SRGAP1: variants seen among roughly 807,000 people sequenced by gnomAD.
SRGAP1 encodes the protein SLIT-ROBO Rho GTPase activating protein 1.
A neutral mutation model predicts 121.9 loss-of-function variants in SRGAP1; 43 were observed. The ratio of observed to expected loss-of-function variants is 0.35; its 90% CI spans 0.28 to 0.46. The LOEUF (loss-of-function observed/expected upper bound fraction) is 0.46, where lower values mean the gene tolerates loss of function less well. SRGAP1 is among the 20% of genes least tolerant of loss of function. SRGAP1 has a pLI of 1.00. For synonymous variants in SRGAP1, 447 were observed against 485.4 expected (o/e 0.92, Z 1.04); for missense variants, 1,102 against 1,350.9 (o/e 0.82, Z 2.89).
rs563696442 is a variant in SRGAP1 at position 63,959,535 on chromosome 12, T to C, written c.68-24412T>C. Among the ~76,000 whole-genome samples, 40 of 152,330 alleles carry C rather than the reference T, an allele frequency of 2.6e-4. No homozygotes were observed. The South Asian group carries it at 7.9e-3, about 30-fold the overall frequency. On this transcript the variant is annotated intron_variant, in intron 1 of 21. Coordinates refer to ENST00000355086, the MANE Select transcript of SRGAP1 (RefSeq NM_020762.4). ...ATTATCCATAGTTATTTTGTGAGGA[T>C]TTGCTGATAACGTTTCTTTCCAGAT...
chr12:64,063,242 C>G, intron 7 of SRGAP1, 104 bp downstream of exon 7: 1 of 1,077,240 alleles, frequency 9.3e-7, no homozygotes, highest in Admixed American at 2.4e-5. Flanking sequence ...TGTTTTCTCT[C>G]TCCTGTCCTT....
intron 10 of SRGAP1, among the ~76,000 whole-genome samples, chr12:64,086,316 C>T (rs1045887740): frequency 2.0e-5 from 3 of 152,164 alleles, no homozygotes; most frequent in African/African-American, 4.8e-5. Flanking sequence ...TGCAGATTGT[C>T]GGAGCCCTAC....
intron 1 of SRGAP1, among the ~76,000 whole-genome samples, chr12:63,940,282 A>G (rs1565959873): frequency 1.3e-5 from 2 of 151,130 alleles, no homozygotes; most frequent in Non-Finnish European, 1.5e-5. Flanking sequence ...ATTTCTTACT[A>G]CTGAATTTCT....
Position 63,844,775 on chromosome 12 carries a change from A to G in SRGAP1, c.-42A>G. The stretch of plus-strand genomic sequence containing the variant: ...AAGGAGAACGGGTTGTGACCACTGA[A>G]CAAAACTTGCCCATTGAAAGCAAAC... On this transcript the variant is annotated 5_prime_UTR_variant, in exon 1 of 22. Transcript: ENST00000355086. The surrounding 1 kb of genome is among the most constrained non-coding windows in gnomAD (Gnocchi z 4.3). The G allele has an allele frequency of 1.2e-6, 2 of 1,607,378 alleles. No homozygotes were observed. Among genetic ancestry groups the G allele is most frequent in the Non-Finnish European group, 1.7e-6 (2 of 1,173,828 alleles).
intron 6 of SRGAP1, among the ~76,000 whole-genome samples, chr12:64,046,555 T>C (rs1434421865): frequency 1.3e-5 from 2 of 152,058 alleles, no homozygotes; most frequent in African/African-American, 4.8e-5. Flanking sequence ...TTTGCTGCCA[T>C]GTGTGAAAAA....
intron 1 of SRGAP1, among the ~76,000 whole-genome samples, chr12:63,866,057 G>A (rs942091190): frequency 4.6e-5 from 7 of 151,716 alleles, no homozygotes; most frequent in Non-Finnish European, 4.4e-5. Context: ...TCAAAATGAC[G>A]TTTTTTTTAT....
At chr12:63,996,383 A>G (rs1304225552) in intron 3 of SRGAP1, among the ~76,000 whole-genome samples, 1 of 152,000 alleles carries the variant, frequency 6.6e-6, no homozygotes, top group African/African-American at 2.4e-5. Context: ...GTACTTTACT[A>G]TGTGCATGGC....
Position 63,844,944 on chromosome 12 carries a change from A to C in SRGAP1, c.67+61A>C. On this transcript the variant is annotated intron_variant, in intron 1 of 21. Coordinates refer to ENST00000355086, the MANE Select transcript of SRGAP1 (RefSeq NM_020762.4). The surrounding 1 kb of genome is among the most constrained non-coding windows in gnomAD (Gnocchi z 4.3). Reference sequence around the variant, plus strand: ...TGCCTTCTTGTCATTGTGCTCGTGGAGTTGCGTATCTAACTTGGTGTCTGC... The same window carrying C: ...TGCCTTCTTGTCATTGTGCTCGTGGCGTTGCGTATCTAACTTGGTGTCTGC... The C allele has an allele frequency of 6.6e-7, 1 of 1,521,092 alleles. No homozygotes were observed. The highest frequency in any genetic ancestry group is 9.1e-7 in the Non-Finnish European group (1 of 1,095,412). The allele number at this position is 1,521,092 out of a possible 1,614,324, so 94.2% of individuals were successfully genotyped here.
chr12:64,020,947 C>CA (rs11379937), intron 4 of SRGAP1, among the ~76,000 whole-genome samples: 34,846 of 131,172 alleles, frequency 0.27, 4,360 homozygotes, highest in South Asian at 0.29. Context: ...TTCTGTCTCA[C>CA]AAAAAAAAAA....
rs1313526549 is a variant in SRGAP1, at chr12:64,156,626, G to A, written c.*13954G>A. On this transcript the variant is annotated 3_prime_UTR_variant, in exon 22 of 22. Coordinates refer to ENST00000355086, the MANE Select transcript of SRGAP1 (RefSeq NM_020762.4). ...ATAAAATAAATGAATATTTATAGAA[G>A]TTAAATCTATTAATCTAGCCTTATT... is the stretch of plus-strand genomic sequence containing the variant. 3 of 152,202 alleles carry A rather than the reference G, an allele frequency of 2.0e-5. No homozygotes were observed. The highest frequency in any genetic ancestry group is 4.4e-5 in the Non-Finnish European group (3 of 68,034). 9.4% of individuals were successfully genotyped at this position (152,202 alleles called of 1,614,324 possible). A position where few individuals can be genotyped will look rare whatever the true frequency, so the allele number is the denominator to read the frequency against.
chr12:64,007,268 C>T (rs999473014), intron 3 of SRGAP1, among the ~76,000 whole-genome samples: 1 of 152,120 alleles, frequency 6.6e-6, no homozygotes, highest in African/African-American at 2.4e-5. Flanking sequence ...TCATGGAAGG[C>T]AATTTTTCTA....
chr12:64,021,098 C>A (rs2034539605), intron 4 of SRGAP1, among the ~76,000 whole-genome samples: 1 of 152,156 alleles, frequency 6.6e-6, no homozygotes, highest in Non-Finnish European at 1.5e-5. Flanking sequence ...TGCTAGAACT[C>A]CAGCCATTAC....
At chr12:63,868,078 T>G (rs1899717643) in intron 1 of SRGAP1, among the ~76,000 whole-genome samples, 1 of 82,308 alleles carries the variant, frequency 1.2e-5, no homozygotes, top group African/African-American at 5.0e-5. Flanking sequence ...TTTTTTTTTT[T>G]GTTTTTTTTT....
At chr12:64,039,697 C>T (rs2136500681) in intron 4 of SRGAP1, among the ~76,000 whole-genome samples, 1 of 104,306 alleles carries the variant, frequency 9.6e-6, no homozygotes, top group Middle Eastern at 6.0e-3. Context: ...GGAACCAAGA[C>T]CCAAATATAA....
chr12:63,857,762 CAT>C (rs1899306246), intron 1 of SRGAP1, among the ~76,000 whole-genome samples: 1 of 152,168 alleles, frequency 6.6e-6, no homozygotes, highest in African/African-American at 2.4e-5. Context: ...AAAAAACACT[CAT>C]TATTTATAAA....
chr12:64,116,100 A>G (rs2036516610), intron 18 of SRGAP1: 7 of 496,364 alleles, frequency 1.4e-5, no homozygotes, highest in Non-Finnish European at 2.2e-5. Context: ...ACAAAAAAAT[A>G]CAAAAAATTA....
intron 1 of SRGAP1, among the ~76,000 whole-genome samples, chr12:63,867,535 C>G (rs541107631): frequency 6.6e-6 from 1 of 152,194 alleles, no homozygotes; most frequent in African/African-American, 2.4e-5. Context: ...CAAATTATGG[C>G]TACTCTGGAA....
chr12:63,985,015 CAAAAA>C (rs34037288), intron 2 of SRGAP1, among the ~76,000 whole-genome samples: 2 of 108,842 alleles, frequency 1.8e-5, no homozygotes, highest in African/African-American at 7.2e-5. Flanking sequence ...GAGTCCATCT[CAAAAA>C]AAAAAAAAAA....
At chr12:64,086,722 GA>G (rs3057149) in intron 10 of SRGAP1, among the ~76,000 whole-genome samples, 41,476 of 119,976 alleles carry the variant, frequency 0.35, 6,406 homozygotes, top group Non-Finnish European at 0.42. Context: ...TTTCTTTTCT[GA>G]AAAAAAAAAA....
Sources: allele counts gnomAD v4.1 joint callset (sites outside exome capture counted in the v4.1 genomes callset), GRCh38; gene constraint gnomAD v4.1.1; non-coding constraint Gnocchi (gnomAD v3.1); transcripts MANE v1.5; gene names NCBI Gene and HGNC (gene_info 2026-07-23, HGNC 2026-07-21).